The following GPC6 variants were observed in gnomAD, a reference collection of about 807,000 sequenced individuals.
GPC6 encodes glypican 6.
Under a neutral mutation model 55.2 loss-of-function variants are expected in GPC6, and 14 were observed. That is an observed-to-expected ratio of 0.25 (90% CI 0.17 to 0.40). GPC6 has a LOEUF of 0.40. GPC6 is among the 10% of genes least tolerant of loss of function. The probability of loss-of-function intolerance (pLI) is 1.00; values close to 1 mark genes in which losing one functional copy is unlikely to be tolerated. For missense variants in GPC6, 641 were observed against 708.5 expected, an observed-to-expected ratio of 0.90 and a Z score of 1.08; for synonymous variants, 278 against 259.6, an observed-to-expected ratio of 1.07 and a Z score of -0.68.
intron 1 of GPC6, among the ~76,000 whole-genome samples, chr13:93,526,432 G>A (rs1447655197): frequency 6.6e-6 from 1 of 152,014 alleles, no homozygotes; most frequent in Non-Finnish European, 1.5e-5. Flanking sequence ...GGAGCCCTGA[G>A]AAGGCAAACT....
At chr13:94,143,794 T>A (rs1887464573) in intron 4 of GPC6, among the ~76,000 whole-genome samples, 1 of 152,086 alleles carries the variant, frequency 6.6e-6, no homozygotes, top group Non-Finnish European at 1.5e-5. Flanking sequence ...GATGGGAGAA[T>A]TGCTTGAGCA....
intron 1 of GPC6, among the ~76,000 whole-genome samples, chr13:93,284,062 C>A (rs1878034845): frequency 6.6e-6 from 1 of 152,196 alleles, no homozygotes; most frequent in African/African-American, 2.4e-5. Context: ...GTTTACTGTG[C>A]TAGCTTTGTT....
chr13:94,366,352 G>A (rs1879286844), intron 6 of GPC6, among the ~76,000 whole-genome samples: 1 of 152,172 alleles, frequency 6.6e-6, no homozygotes, highest in South Asian at 2.1e-4. Flanking sequence ...ATACAAAGGG[G>A]TCAATCCTAT....
At chr13:94,292,977 T>C (rs1875077221) in intron 5 of GPC6, among the ~76,000 whole-genome samples, 1 of 152,200 alleles carries the variant, frequency 6.6e-6, no homozygotes, top group East Asian at 1.9e-4. Context: ...TAGAATATTT[T>C]GGTAATAACA....
chr13:93,968,224 G>C (rs1470187647), intron 3 of GPC6, among the ~76,000 whole-genome samples: 3 of 152,152 alleles, frequency 2.0e-5, no homozygotes, highest in Non-Finnish European at 4.4e-5. Flanking sequence ...GGGCCTTCAA[G>C]AGTGCAGGGC....
chr13:94,289,049 G>A (rs559895987), intron 5 of GPC6, among the ~76,000 whole-genome samples: 2 of 149,896 alleles, frequency 1.3e-5, no homozygotes, highest in South Asian at 4.2e-4. Context: ...CTCCATGAGT[G>A]ACTGGGATCC....
At chr13:93,347,329 T>C (rs1192235125) in intron 1 of GPC6, among the ~76,000 whole-genome samples, 1 of 152,168 alleles carries the variant, frequency 6.6e-6, no homozygotes, top group East Asian at 1.9e-4. Context: ...TCAAGTTTTG[T>C]GGTGAGATTT....
intron 4 of GPC6, among the ~76,000 whole-genome samples, chr13:94,249,625 A>G (rs545071429): frequency 1.3e-5 from 2 of 152,178 alleles, no homozygotes; most frequent in Non-Finnish European, 2.9e-5. Flanking sequence ...AAAGCTAATG[A>G]TCCAGCTTGT....
At chr13:93,598,534 G>A (rs1877870325) in intron 2 of GPC6, among the ~76,000 whole-genome samples, 1 of 152,082 alleles carries the variant, frequency 6.6e-6, no homozygotes, top group Non-Finnish European at 1.5e-5. Context: ...TGAGGTATGG[G>A]GTGAATTATA....
At chr13:93,997,144 T>C (rs569639138) in intron 3 of GPC6, among the ~76,000 whole-genome samples, 94 of 152,294 alleles carry the variant, frequency 6.2e-4, no homozygotes, top group African/African-American at 2.2e-3. Flanking sequence ...AAGTTCTCTT[T>C]TTAAGTAACA....
chr13:94,368,440 A>G (rs1208987052), intron 6 of GPC6, among the ~76,000 whole-genome samples: 1 of 152,178 alleles, frequency 6.6e-6, no homozygotes, highest in African/African-American at 2.4e-5. Flanking sequence ...CAATTTCTCC[A>G]CCAAGCATTA....
At chr13:93,528,741 A>G (rs1400988538) in intron 1 of GPC6, among the ~76,000 whole-genome samples, 2 of 152,208 alleles carry the variant, frequency 1.3e-5, no homozygotes, top group Non-Finnish European at 2.9e-5. Flanking sequence ...GTCTTGAGTT[A>G]GCGATTAGCC....
At chr13:94,309,023 T>C (rs549399549) in intron 6 of GPC6, among the ~76,000 whole-genome samples, 1 of 152,350 alleles carries the variant, frequency 6.6e-6, no homozygotes, top group East Asian at 1.9e-4. Context: ...CTGTCATCCA[T>C]TACAGCCTAT....
chr13:94,296,743 C>T (rs1875354674), intron 5 of GPC6, among the ~76,000 whole-genome samples: 1 of 152,096 alleles, frequency 6.6e-6, no homozygotes, highest in Admixed American at 6.6e-5. Flanking sequence ...ATTACTCCCT[C>T]GTGCATATTT....
At chr13:93,368,659 C>A (rs1194264386) in intron 1 of GPC6, among the ~76,000 whole-genome samples, 1 of 151,960 alleles carries the variant, frequency 6.6e-6, no homozygotes, top group Non-Finnish European at 1.5e-5. Flanking sequence ...TTTGAACCAA[C>A]AAGCAGGTTA....
At chr13:93,392,220 A>G (rs1017356769) in intron 1 of GPC6, among the ~76,000 whole-genome samples, 1 of 152,178 alleles carries the variant, frequency 6.6e-6, no homozygotes. Context: ...TATTCTTAGC[A>G]ATTTTCATTG....
chr13:93,637,459 ATGTAGGTC>A (rs1321686031), intron 2 of GPC6, among the ~76,000 whole-genome samples: 1 of 152,110 alleles, frequency 6.6e-6, no homozygotes, highest in East Asian at 1.9e-4. Flanking sequence ...CAACTCTGGG[ATGTAGGTC>A]TTTTGAAATT....
intron 4 of GPC6, among the ~76,000 whole-genome samples, chr13:94,168,457 C>T (rs888921210): frequency 6.6e-6 from 1 of 152,028 alleles, no homozygotes; most frequent in African/African-American, 2.4e-5. Context: ...ATCATCATTC[C>T]CCTAATAACA....
At chr13:93,604,165 C>T (rs906653141) in intron 2 of GPC6, among the ~76,000 whole-genome samples, 32 of 152,140 alleles carry the variant, frequency 2.1e-4, no homozygotes, top group African/African-American at 3.6e-4. Flanking sequence ...CTTTCTTTGC[C>T]TTTTTGAAAA....
Sources: gnomAD v4.1 joint callset for allele counts (sites outside exome capture counted in the v4.1 genomes callset) on GRCh38, gnomAD v4.1.1 for gene constraint, MANE v1.5 for transcripts, NCBI Gene and HGNC (gene_info 2026-07-23, HGNC 2026-07-21) for gene names.